Variants in TSC22D1 observed in about 807,000 individuals in gnomAD.
TSC22D1 encodes TSC22 domain family member 1.
TSC22D1 carries 9 observed loss-of-function variants against 74.2 expected under a neutral mutation model. The ratio of observed to expected loss-of-function variants is 0.12; its 90% CI spans 0.07 to 0.21. The LOEUF (loss-of-function observed/expected upper bound fraction) is 0.21, where lower values mean the gene tolerates loss of function less well. TSC22D1 is among the 10% of genes least tolerant of loss of function. TSC22D1 has a pLI of 1.00. For missense variants in TSC22D1, 1,427 were observed against 1,304.7 expected, an observed-to-expected ratio of 1.09 and a Z score of -1.44; for synonymous variants, 586 against 492.5, an observed-to-expected ratio of 1.19 and a Z score of -2.51.
chr13:44,482,263 A>T (rs1878210071), intron 1 of TSC22D1, among the ~76,000 whole-genome samples: 1 of 152,192 alleles, frequency 6.6e-6, no homozygotes, highest in African/African-American at 2.4e-5. Flanking sequence ...AGCCAGGTGC[A>T]GTGGCTCACG....
intron 1 of TSC22D1, among the ~76,000 whole-genome samples, chr13:44,454,840 TCTG>T (rs1876441334): frequency 7.5e-6 from 1 of 133,010 alleles, no homozygotes; most frequent in African/African-American, 2.6e-5. Context: ...AAAAAATACT[TCTG>T]CACTCTTATC....
In TSC22D1 at chr13:44,517,829, GTATA is replaced by G. The variant is rs1555269397; in HGVS notation, c.2912+55330_2912+55333del. 8.7e-3 allele frequency among the ~76,000 whole-genome samples: 123 copies of G among 14,130 alleles called. 8 individuals are homozygous for G. Among genetic ancestry groups the G allele is most frequent in the African/African-American group, 0.012 (63 of 5,472 alleles). 9.3% of individuals were successfully genotyped at this position (14,130 alleles called of 152,430 possible). A position where few individuals can be genotyped will look rare whatever the true frequency, so the allele number is the denominator to read the frequency against. ...CATATATATGTGTGTGTGTGTGTGT[GTATA>G]TATATATATATATATATATATATAT... is the stretch of plus-strand genomic sequence containing the variant. On this transcript the variant is annotated intron_variant, in intron 1 of 2. Transcript: ENST00000458659.
At position 44,434,684 on chromosome 13, in the gene TSC22D1, T is replaced by C. The variant is rs368044496; in HGVS notation, c.3164A>G (p.Gln1055Arg). 6.2e-7 allele frequency: 1 copy of C among 1,608,386 alleles called. No homozygotes were observed. ...TGSPPATTQPQGTTQPPAQPA... is the reference protein window; with the variant it reads ...TGSPPATTQPRGTTQPPAQPA... ...CTGGGCGGGGGGCTGTGTGGTGCCC[T>C]GTGGCTGGGTGGTGGCAGGGGGGGA... is the stretch of plus-strand genomic sequence containing the variant. Residue 1055 changes from glutamine to arginine, a missense_variant, in exon 3 of 3, where the codon CAG becomes CGG. By Grantham distance (43) the Gln-to-Arg change is conservative (BLOSUM62 1). Transcript: ENST00000458659.
At chr13:44,571,070 C>T (rs1190523624) in intron 1 of TSC22D1, among the ~76,000 whole-genome samples, 2 of 152,112 alleles carry the variant, frequency 1.3e-5, no homozygotes, top group South Asian at 2.1e-4. Context: ...TTTTTAATCA[C>T]GAAACTTTGA....
intron 1 of TSC22D1, among the ~76,000 whole-genome samples, chr13:44,570,770 G>A (rs948413274): frequency 2.0e-5 from 3 of 152,084 alleles, no homozygotes; most frequent in African/African-American, 7.2e-5. Flanking sequence ...GAGACTAATG[G>A]TGACCAAGCC....
intron 1 of TSC22D1, among the ~76,000 whole-genome samples, chr13:44,490,160 A>G (rs1017664364): frequency 3.9e-5 from 6 of 152,200 alleles, no homozygotes; most frequent in African/African-American, 1.4e-4. Context: ...AAATGAACAA[A>G]CTTCTATTAA....
chr13:44,481,017 A>C (rs1419032079), intron 1 of TSC22D1, among the ~76,000 whole-genome samples: 1 of 152,242 alleles, frequency 6.6e-6, no homozygotes. Context: ...AACAGAACCT[A>C]GGGAAACACC....
chr13:44,487,728 T>A (rs1400878032), intron 1 of TSC22D1, among the ~76,000 whole-genome samples: 1 of 151,906 alleles, frequency 6.6e-6, no homozygotes, highest in Non-Finnish European at 1.5e-5. Context: ...AATAAATTTC[T>A]TGTTAAGAAG....
At chr13:44,463,756 T>A (rs762419245) in intron 1 of TSC22D1, among the ~76,000 whole-genome samples, 3 of 152,204 alleles carry the variant, frequency 2.0e-5, no homozygotes, top group Non-Finnish European at 4.4e-5. Flanking sequence ...ATGGTAATTG[T>A]CAAAGAATGC....
intron 1 of TSC22D1, among the ~76,000 whole-genome samples, chr13:44,553,404 G>A (rs1417388532): frequency 1.3e-5 from 2 of 151,018 alleles, no homozygotes; most frequent in Non-Finnish European, 2.9e-5. Flanking sequence ...AAACTTTATA[G>A]ATTTCAAAAT....
chr13:44,562,410 C>T (rs893667169), intron 1 of TSC22D1, among the ~76,000 whole-genome samples: 10 of 152,166 alleles, frequency 6.6e-5, no homozygotes, highest in East Asian at 1.9e-4. Context: ...AAAATGACAA[C>T]GTGCAAAAGG....
chr13:44,474,107 C>A (rs1877761963), intron 1 of TSC22D1: 1 of 382,828 alleles, frequency 2.6e-6, no homozygotes, highest in Non-Finnish European at 3.6e-6. Flanking sequence ...TTATTTCACC[C>A]TCCAAGCTGA....
intron 1 of TSC22D1, among the ~76,000 whole-genome samples, chr13:44,491,032 G>A (rs1878686045): frequency 6.6e-6 from 1 of 151,918 alleles, no homozygotes; most frequent in Admixed American, 6.6e-5. Context: ...CAGGCCTGGT[G>A]GCACATGCCT....
chr13:44,521,900 A>C (rs1880335175), intron 1 of TSC22D1, among the ~76,000 whole-genome samples: 1 of 152,176 alleles, frequency 6.6e-6, no homozygotes, highest in South Asian at 2.1e-4. Flanking sequence ...AAGGCTGCCT[A>C]TGTCTTCTTC....
intron 1 of TSC22D1, among the ~76,000 whole-genome samples, chr13:44,520,358 G>A (rs1468154025): frequency 6.6e-6 from 1 of 152,114 alleles, no homozygotes; most frequent in Non-Finnish European, 1.5e-5. Context: ...GTACACATAT[G>A]ACTAGATACA....
At chr13:44,466,786 G>A (rs910579687) in intron 1 of TSC22D1, among the ~76,000 whole-genome samples, 6 of 149,832 alleles carry the variant, frequency 4.0e-5, no homozygotes, top group Admixed American at 4.0e-4. Flanking sequence ...AAAAAAAAAA[G>A]AAAACAATAT....
intron 1 of TSC22D1, among the ~76,000 whole-genome samples, chr13:44,481,084 G>C (rs1371379984): frequency 6.6e-6 from 1 of 152,184 alleles, no homozygotes; most frequent in Non-Finnish European, 1.5e-5. Context: ...GACTGAAAAG[G>C]AGAAGGCCAA....
chr13:44,474,314 T>C (rs1042644768), intron 1 of TSC22D1: 20 of 983,928 alleles, frequency 2.0e-5, no homozygotes, highest in Non-Finnish European at 2.2e-5. Flanking sequence ...CTGACACTCC[T>C]GGTGGACAAA....
At chr13:44,479,475 C>T (rs572650358) in intron 1 of TSC22D1, among the ~76,000 whole-genome samples, 1 of 152,280 alleles carries the variant, frequency 6.6e-6, no homozygotes, top group Non-Finnish European at 1.5e-5. Context: ...CATAAAGCCA[C>T]TGTACCAAAG....
Sources: allele counts gnomAD v4.1 joint callset (sites outside exome capture counted in the v4.1 genomes callset), GRCh38; gene constraint gnomAD v4.1.1; transcripts MANE v1.5; gene names NCBI Gene and HGNC (gene_info 2026-07-23, HGNC 2026-07-21).